PCNT: variants seen among roughly 807,000 people sequenced by gnomAD.
PCNT encodes the protein pericentrin, also known as kendrin.
Under a neutral mutation model 380.4 loss-of-function variants are expected in PCNT, and 319 were observed. The ratio of observed to expected loss-of-function variants is 0.84; its 90% CI spans 0.77 to 0.92. PCNT has a LOEUF of 0.92. PCNT is among the 40% of genes least tolerant of loss of function. PCNT has a pLI of 0.00. For synonymous variants in PCNT, 1,845 were observed against 1,735.2 expected, an observed-to-expected ratio of 1.06 and a Z score of -1.57; for missense variants, 4,400 against 4,255.3, an observed-to-expected ratio of 1.03 and a Z score of -0.95.
In PCNT at chr21:46,372,190, GCACA is replaced by G. The variant is rs888605768; in HGVS notation, c.3165+5058_3165+5061del. On this transcript the variant is annotated intron_variant, in intron 15 of 46. Transcript: ENST00000359568. ...CACACACACAGCACATGCACACACA[GCACA>G]CACACAGAGAGCACATGCACACAGC... Among the ~76,000 whole-genome samples, 100 of 145,046 alleles carry G rather than the reference GCACA, an allele frequency of 6.9e-4. 1 individual carries two copies. The highest frequency in any genetic ancestry group is 6.6e-3 in the Admixed American group (97 of 14,672).
At chr21:46,413,944 C>G (rs761605897) in intron 29 of PCNT, among the ~76,000 whole-genome samples, 5 of 152,044 alleles carry the variant, frequency 3.3e-5, no homozygotes, top group Non-Finnish European at 5.9e-5. Flanking sequence ...AGGAGCTGCC[C>G]TCTCCTCAGG....
chr21:46,372,142 C>T (rs2085163157), intron 15 of PCNT, among the ~76,000 whole-genome samples: 1 of 149,798 alleles, frequency 6.7e-6, no homozygotes. Context: ...ACTCACAGCA[C>T]ATGTGCCCAT....
intron 2 of PCNT, among the ~76,000 whole-genome samples, chr21:46,330,396 G>A (rs2083519411): frequency 1.3e-5 from 2 of 152,176 alleles, no homozygotes. Flanking sequence ...TGGAATTATA[G>A]GTGTGAGCCA....
At chr21:46,379,043 C>G (rs1036628146) in intron 15 of PCNT, among the ~76,000 whole-genome samples, 1 of 152,158 alleles carries the variant, frequency 6.6e-6, no homozygotes, top group African/African-American at 2.4e-5. Flanking sequence ...TGTTTCAGCC[C>G]GAAGGACTTC....
chr21:46,398,236 A>C lies in PCNT; in HGVS notation c.4565A>C (p.Gln1522Pro). ...PQPWGPRDSQQAPLDGEVELL... is the reference protein window; with the variant it reads ...PQPWGPRDSQPAPLDGEVELL... ...CTTCCATGTACATGAAATCGGCAGC[A>C]GGCGCCGCTGGATGGAGAGGTGAGG... The change falls in exon 24 of 47, where the codon CAG (glutamine) becomes CCG (proline). Residue 1522 changes from glutamine (Q) to proline (P), a missense_variant and splice_region_variant. Gln to Pro is a moderately conservative substitution (Grantham distance 76, BLOSUM62 -1). Transcript: ENST00000359568. 1 of 1,607,852 alleles carries C rather than the reference A, an allele frequency of 6.2e-7. No individual in the cohort carries two copies. Among genetic ancestry groups the C allele is most frequent in the East Asian group, 2.2e-5 (1 of 44,742 alleles).
At chr21:46,356,504 G>T (rs545445480) in intron 12 of PCNT, among the ~76,000 whole-genome samples, 43 of 152,368 alleles carry the variant, frequency 2.8e-4, no homozygotes, top group African/African-American at 9.1e-4. Flanking sequence ...TGGGCCAGTG[G>T]GGGTAGCGTG....
intron 3 of PCNT, among the ~76,000 whole-genome samples, chr21:46,345,763 G>A (rs2084045954): frequency 6.6e-6 from 1 of 152,230 alleles, no homozygotes. Context: ...GCTCCTCGCA[G>A]CCTCCAGGCT....
chr21:46,405,455 T>C (rs1488724246), intron 27 of PCNT, among the ~76,000 whole-genome samples: 5 of 152,228 alleles, frequency 3.3e-5, no homozygotes, highest in Non-Finnish European at 7.3e-5. Context: ...CCCAGCACTT[T>C]GGGAGGCCCA....
At chr21:46,381,966 C>G (rs1427847991) in intron 16 of PCNT, 126 bp downstream of exon 16, 4 of 981,818 alleles carry the variant, frequency 4.1e-6, no homozygotes, top group African/African-American at 1.6e-5. Context: ...TAGTGTTGTA[C>G]ATTCAGTGGC....
chr21:46,381,242 GTGTA>G (rs2085529296), intron 15 of PCNT, among the ~76,000 whole-genome samples: 1 of 116,804 alleles, frequency 8.6e-6, no homozygotes. Context: ...GTGTGTGTGT[GTGTA>G]TAGAATTCAT....
intron 43 of PCNT, among the ~76,000 whole-genome samples, chr21:46,442,015 C>T (rs1254127378): frequency 3.3e-5 from 5 of 152,182 alleles, no homozygotes; most frequent in East Asian, 3.9e-4. Flanking sequence ...TGCATGCCCT[C>T]GTCACCTGCA....
intron 14 of PCNT, among the ~76,000 whole-genome samples, chr21:46,366,292 G>C (rs962790080): frequency 4.6e-5 from 7 of 152,162 alleles, no homozygotes; most frequent in Admixed American, 3.3e-4. Flanking sequence ...GCGGGGATGT[G>C]TGTGTGCCAT....
At chr21:46,428,844 G>A (rs1462276071) in intron 35 of PCNT, among the ~76,000 whole-genome samples, 3 of 152,232 alleles carry the variant, frequency 2.0e-5, no homozygotes, top group Non-Finnish European at 2.9e-5. Context: ...GGCTCTGAGT[G>A]CTGGCAGATT....
At chr21:46,397,951 C>G in intron 22 of PCNT, 63 bp from the exon 23 acceptor site, 1 of 1,332,900 alleles carries the variant, frequency 7.5e-7, no homozygotes, top group Non-Finnish European at 1.0e-6. Flanking sequence ...CTGGGTGGAC[C>G]TTCGCTGCAA....
At chr21:46,369,618 G>C (rs566677185) in intron 15 of PCNT, among the ~76,000 whole-genome samples, 1 of 152,264 alleles carries the variant, frequency 6.6e-6, no homozygotes, top group African/African-American at 2.4e-5. Flanking sequence ...AGTTCTGAAA[G>C]AATATTCAGA....
intron 15 of PCNT, among the ~76,000 whole-genome samples, chr21:46,368,372 C>T (rs8127018): frequency 0.058 from 8,818 of 151,378 alleles, 820 homozygotes; most frequent in African/African-American, 0.2. Context: ...GATGTGAACC[C>T]GGGAGGCGGA....
chr21:46,347,147 A>C, intron 5 of PCNT, 149 bp downstream of exon 5: 3 of 1,059,060 alleles, frequency 2.8e-6, no homozygotes, highest in Non-Finnish European at 4.1e-6. Context: ...TGGCACCATG[A>C]GAGGGGTGAA....
In PCNT at chr21:46,430,194, G is replaced by A; in HGVS notation, c.7875G>A (p.Arg2625=). The part of the protein sequence containing the change: ...ESRQKSEQLS[R]SLCEVQQEVL... Reference sequence around the variant, plus strand: ...GGCAGAAGAGCGAACAGCTGTCCCGGTCCCTCTGCGAGGTGCAGCAGGAGG... The same window carrying A: ...GGCAGAAGAGCGAACAGCTGTCCCGATCCCTCTGCGAGGTGCAGCAGGAGG... The change falls in exon 36 of 47, where the codon CGG becomes CGA. Residue 2625 remains arginine, a synonymous_variant. Coordinates refer to ENST00000359568, the MANE Select transcript of PCNT (RefSeq NM_006031.6). The A allele has an allele frequency of 6.2e-7, 1 of 1,613,880 alleles. No individual in the cohort carries two copies. Among genetic ancestry groups the A allele is most frequent in the South Asian group, 1.1e-5 (1 of 91,072 alleles).
intron 3 of PCNT, 113 bp downstream of exon 3, chr21:46,334,881 G>A (rs1312822883): frequency 1.3e-6 from 2 of 1,522,302 alleles, no homozygotes; most frequent in African/African-American, 2.8e-5. Context: ...CTCTTTAGAA[G>A]TGGAAACTGG....
Sources: allele counts gnomAD v4.1 joint callset (sites outside exome capture counted in the v4.1 genomes callset), GRCh38; gene constraint gnomAD v4.1.1; transcripts MANE v1.5; gene names NCBI Gene and HGNC (gene_info 2026-07-23, HGNC 2026-07-21).